Variants in IL16 observed in about 807,000 individuals in gnomAD.
IL16 encodes pro-interleukin-16.
IL16 carries 67 observed loss-of-function variants against 110.1 expected under a neutral mutation model. The ratio of observed to expected loss-of-function variants is 0.61; its 90% CI spans 0.50 to 0.75. The LOEUF is 0.75. Among genes scored for constraint, IL16 ranks in the 30% least tolerant of loss-of-function variants. IL16 has a pLI of 0.00. For synonymous variants in IL16, 689 were observed against 662.9 expected (o/e 1.04, Z -0.61); for missense variants, 1,545 against 1,655.0 (o/e 0.93, Z 1.15).
intron 2 of IL16, among the ~76,000 whole-genome samples, chr15:81,248,268 TC>T (rs1897638020): frequency 6.6e-6 from 1 of 152,112 alleles, no homozygotes. Flanking sequence ...TATGTCTGTA[TC>T]TATCTACTTC....
intron 1 of IL16, among the ~76,000 whole-genome samples, chr15:81,224,638 A>G (rs1488527868): frequency 6.6e-6 from 1 of 152,222 alleles, no homozygotes; most frequent in Non-Finnish European, 1.5e-5. Flanking sequence ...GCACTTGCCA[A>G]GTGTCACCTT....
intron 1 of IL16, among the ~76,000 whole-genome samples, chr15:81,218,475 G>C (rs954569751): frequency 6.6e-6 from 1 of 152,132 alleles, no homozygotes; most frequent in Non-Finnish European, 1.5e-5. Context: ...AGACATTTTA[G>C]AACCTGATAA....
At chr15:81,205,514 A>G (rs139673398) in intron 1 of IL16, among the ~76,000 whole-genome samples, 377 of 152,284 alleles carry the variant, frequency 2.5e-3, no homozygotes, top group Non-Finnish European at 4.0e-3. Flanking sequence ...AATATCAAAT[A>G]AAATGAATGA....
At chr15:81,187,765 G>C (rs757946186) in intron 1 of IL16, among the ~76,000 whole-genome samples, 11 of 152,216 alleles carry the variant, frequency 7.2e-5, no homozygotes, top group Admixed American at 2.0e-4. Flanking sequence ...CAGAACCTTT[G>C]CCTGCAAAGG....
chr15:81,246,630 A>G (rs1376678207), intron 2 of IL16, among the ~76,000 whole-genome samples: 1 of 152,102 alleles, frequency 6.6e-6, no homozygotes. Context: ...CCTCACACTG[A>G]TACCATGCTC....
intron 7 of IL16, 94 bp downstream of exon 7, chr15:81,278,984 G>A (rs1195102614): frequency 2.3e-6 from 2 of 863,280 alleles, no homozygotes; most frequent in East Asian, 4.9e-5. Flanking sequence ...TCAAACTGTG[G>A]AACCCTTCAC....
chr15:81,265,434 G>C (rs1898332086), intron 3 of IL16, among the ~76,000 whole-genome samples: 1 of 152,136 alleles, frequency 6.6e-6, no homozygotes, highest in African/African-American at 2.4e-5. Flanking sequence ...ATGGAAGTGA[G>C]AGTCCCATCT....
chr15:81,271,430 G>C (rs1898635342), intron 5 of IL16, among the ~76,000 whole-genome samples: 1 of 152,192 alleles, frequency 6.6e-6, no homozygotes, highest in East Asian at 1.9e-4. Flanking sequence ...CTGTGATAGA[G>C]CCACTGCACT....
At chr15:81,302,042 G>C (rs1309237171) in intron 15 of IL16, 1 of 153,272 alleles carries the variant, frequency 6.5e-6, no homozygotes, top group Non-Finnish European at 1.5e-5. Context: ...ATGACCCAAA[G>C]GGGTGTGGGG....
At position 81,301,256 on chromosome 15, in the gene IL16, C is replaced by T. The variant is rs1019552676; in HGVS notation, c.3150-88C>T. The T allele has an allele frequency of 4.9e-6, 6 of 1,220,848 alleles. No homozygotes were observed. In the African/African-American group the frequency reaches 7.6e-5, roughly 15 times the overall value. 75.6% of individuals were successfully genotyped at this position (1,220,848 alleles called of 1,614,324 possible). On this transcript the variant is annotated intron_variant, in intron 14 of 18. Coordinates refer to ENST00000683961, the MANE Select transcript of IL16 (RefSeq NM_172217.5). ...ATAATATGCACATAAGTGCTTGGCA[C>T]CACACCTGGGACATAGTAATTATAC... is the stretch of plus-strand genomic sequence containing the variant.
intron 10 of IL16, chr15:81,289,972 C>T (rs762601017): frequency 2.4e-6 from 1 of 423,750 alleles, no homozygotes; most frequent in South Asian, 1.7e-5. Flanking sequence ...AGTAGAGGAA[C>T]CGGGACTAGA....
At chr15:81,259,585 A>G (rs996471636) in intron 2 of IL16, among the ~76,000 whole-genome samples, 187 bp from the exon 3 acceptor site, 19 of 152,240 alleles carry the variant, frequency 1.2e-4, no homozygotes, top group Non-Finnish European at 2.8e-4. Context: ...TAATTAAACA[A>G]ATGAATGTAT....
chr15:81,287,696 G>A (rs546267552), intron 10 of IL16, among the ~76,000 whole-genome samples: 1 of 152,298 alleles, frequency 6.6e-6, no homozygotes, highest in South Asian at 2.1e-4. Flanking sequence ...CAAAGCCTGT[G>A]CTTTGAACTC....
intron 1 of IL16, among the ~76,000 whole-genome samples, chr15:81,185,039 G>A (rs80008701): frequency 2.2e-3 from 337 of 152,282 alleles, no homozygotes; most frequent in African/African-American, 7.5e-3. Flanking sequence ...CTGTCAGCAA[G>A]GAGGGGCTGG....
chr15:81,284,311 G>C (rs191342840), intron 9 of IL16, among the ~76,000 whole-genome samples: 184 of 152,260 alleles, frequency 1.2e-3, no homozygotes, highest in African/African-American at 4.0e-3. Context: ...TCCTACAATT[G>C]CAGTGTATGG....
rs1900196397 is a variant in IL16, at chr15:81,300,089, G to A, written c.2763G>A (p.Glu921=). 4 of 1,579,354 alleles carry A rather than the reference G, an allele frequency of 2.5e-6. No individual in the cohort carries two copies. The highest frequency in any genetic ancestry group is 1.7e-4 in the Middle Eastern group (1 of 5,846). Residue 921 remains glutamate, a synonymous_variant, in exon 14 of 19, where the codon GAG becomes GAA. Transcript: ENST00000683961. ...AGGCCAGAGACCCAGGTGTGTCTGA[G>A]TCCCCTCCCCCAGGGCGGCAGCCCA... ...ASEARDPGVS[E]SPPPGRQPNQ...
At chr15:81,234,076 A>G (rs555604636) in intron 2 of IL16, among the ~76,000 whole-genome samples, 4 of 152,138 alleles carry the variant, frequency 2.6e-5, no homozygotes, top group Non-Finnish European at 5.9e-5. Flanking sequence ...GTCTGATACT[A>G]GTATAGCTTC....
At chr15:81,226,520 A>C (rs1255485161) in intron 2 of IL16, among the ~76,000 whole-genome samples, 2 of 152,218 alleles carry the variant, frequency 1.3e-5, no homozygotes, top group African/African-American at 2.4e-5. Flanking sequence ...CCTATAGCCT[A>C]CTGCCAGTCT....
At chr15:81,254,380 C>T (rs1897874299) in intron 2 of IL16, among the ~76,000 whole-genome samples, 2 of 152,178 alleles carry the variant, frequency 1.3e-5, no homozygotes, top group African/African-American at 4.8e-5. Flanking sequence ...GGGTCCATTC[C>T]TTGGTTGCAT....
Sources: gnomAD v4.1 joint callset for allele counts (sites outside exome capture counted in the v4.1 genomes callset) on GRCh38, gnomAD v4.1.1 for gene constraint, MANE v1.5 for transcripts, NCBI Gene and HGNC (gene_info 2026-07-23, HGNC 2026-07-21) for gene names.